GRK5: variants seen among roughly 807,000 people sequenced by gnomAD.
The protein encoded by GRK5 is G protein-coupled receptor kinase 5, also known as g protein-coupled receptor kinase GRK5.
GRK5 carries 40 observed loss-of-function variants against 78.4 expected under a neutral mutation model. The observed-to-expected ratio is 0.51, with a 90% CI of 0.40 to 0.66. GRK5 has a LOEUF of 0.66. Ranked by LOEUF, GRK5 falls within the 30% of genes least tolerant of loss-of-function variation. The probability of loss-of-function intolerance (pLI) is 0.00; values close to 1 mark genes in which losing one functional copy is unlikely to be tolerated. For synonymous variants in GRK5, 289 were observed against 296.8 expected (o/e 0.97, Z 0.27); for missense variants, 598 against 759.9 (o/e 0.79, Z 2.50).
intron 1 of GRK5, among the ~76,000 whole-genome samples, chr10:119,315,643 G>C (rs1322912762): frequency 4.6e-5 from 7 of 152,236 alleles, no homozygotes; most frequent in Admixed American, 4.6e-4. Context: ...AGTGGGAGCT[G>C]AGTCCTGAAA....
rs997167243 is a variant in GRK5, at chr10:119,445,483, G to T, written c.1266+1731G>T. ...CCTGGCTTTGGAGCTGGGATCTCCTGCTGCAGCCTGGACCAGGGTGCTGCT... is the reference window on the plus strand; with the variant it reads ...CCTGGCTTTGGAGCTGGGATCTCCTTCTGCAGCCTGGACCAGGGTGCTGCT... On this transcript the variant is annotated intron_variant, in intron 12 of 15. Transcript: ENST00000392870. This position sits in a 1 kb window ranked among gnomAD's most constrained non-coding sequence, Gnocchi z 4.1. 6.6e-6 allele frequency among the ~76,000 whole-genome samples: 1 copy of T among 152,110 alleles called. No individual in the cohort carries two copies. The highest frequency in any genetic ancestry group is 2.4e-5 in the African/African-American group (1 of 41,404).
chr10:119,273,930 C>T (rs1849626263), intron 1 of GRK5, among the ~76,000 whole-genome samples: 1 of 152,156 alleles, frequency 6.6e-6, no homozygotes, highest in Non-Finnish European at 1.5e-5. Flanking sequence ...CATGCCACCA[C>T]ACCTGGCTAA....
intron 4 of GRK5, among the ~76,000 whole-genome samples, chr10:119,407,430 A>G (rs1038219688): frequency 6.6e-6 from 1 of 152,154 alleles, no homozygotes; most frequent in Non-Finnish European, 1.5e-5. Flanking sequence ...AATTCCTCTG[A>G]GGTGCTTTTT....
intron 1 of GRK5, among the ~76,000 whole-genome samples, chr10:119,229,314 C>T (rs1055249943): frequency 1.3e-5 from 2 of 152,028 alleles, no homozygotes; most frequent in African/African-American, 4.8e-5. Context: ...TAGTAACCAC[C>T]ATTATTTTAT....
intron 1 of GRK5, among the ~76,000 whole-genome samples, chr10:119,256,248 C>T (rs528755211): frequency 3.3e-5 from 5 of 152,258 alleles, no homozygotes; most frequent in Admixed American, 6.5e-5. Flanking sequence ...TCTGCATTCC[C>T]GGCCAGATTT....
chr10:119,423,412 C>T (rs1337076106), intron 5 of GRK5, 146 bp downstream of exon 5: 1 of 612,336 alleles, frequency 1.6e-6, no homozygotes, highest in East Asian at 2.7e-5. Context: ...TTGTATACTT[C>T]CCACGAAGAG....
chr10:119,370,169 C>T (rs1851524181), intron 2 of GRK5, among the ~76,000 whole-genome samples: 1 of 152,142 alleles, frequency 6.6e-6, no homozygotes, highest in Admixed American at 6.5e-5. Flanking sequence ...CCCGCACAAG[C>T]ACCCTTCCAC....
Position 119,207,904 on chromosome 10 carries a change from A to C in GRK5, c.-14A>C, listed in dbSNP as rs1219927108. On this transcript the variant is annotated 5_prime_UTR_variant, in exon 1 of 16. Transcript: ENST00000392870. ...GCCCCGCCGGCCGGCTCCGTTGCTGACCGCCGACTGTCAATGGAGCTGGAA... is the reference window on the plus strand; with the variant it reads ...GCCCCGCCGGCCGGCTCCGTTGCTGCCCGCCGACTGTCAATGGAGCTGGAA... The C allele has an allele frequency of 1.4e-5, 22 of 1,595,456 alleles. No homozygotes were observed. Among genetic ancestry groups the C allele is most frequent in the Non-Finnish European group, 1.8e-5 (21 of 1,172,972 alleles).
rs78955388 is a variant in GRK5 at position 119,378,148 on chromosome 10, T to C, written c.149-2667T>C. 0.051 allele frequency: 7,736 copies of C among 152,910 alleles called. 350 individuals carry two copies. Among genetic ancestry groups the C allele is most frequent in the East Asian group, 0.23 (1,188 of 5,180 alleles). 9.5% of individuals were successfully genotyped at this position (152,910 alleles called of 1,614,324 possible). On this transcript the variant is annotated intron_variant, in intron 2 of 15. Coordinates refer to ENST00000392870, the MANE Select transcript of GRK5 (RefSeq NM_005308.3). The surrounding 1 kb of genome is among the most constrained non-coding windows in gnomAD (Gnocchi z 4.5). The stretch of plus-strand genomic sequence containing the variant: ...TCTGTTCACCCACACACACTCCTGC[T>C]GACCTCTCCAATCTGAGTCCAAGCT...
At chr10:119,395,768 T>C (rs939520904) in intron 3 of GRK5, among the ~76,000 whole-genome samples, 7 of 152,154 alleles carry the variant, frequency 4.6e-5, no homozygotes, top group Non-Finnish European at 1.5e-5. Flanking sequence ...GCTTGGCTAG[T>C]TATCAGAGTC....
chr10:119,436,537 C>T lies in GRK5; in HGVS notation c.739-114C>T, dbSNP rs182214224. On this transcript the variant is annotated intron_variant, in intron 8 of 15. Coordinates refer to ENST00000392870, the MANE Select transcript of GRK5 (RefSeq NM_005308.3). ...CAGAGGCCATCTGGGTGCAGGGGAG[C>T]AGGGTGAGGCTCCTCTGTTCCCTCA... The T allele has an allele frequency of 1.0e-3, 1,067 of 1,019,062 alleles. 8 individuals are homozygous for T. The African/African-American group carries it at 0.015, about 14-fold the overall frequency. 63.1% of individuals were successfully genotyped at this position (1,019,062 alleles called of 1,614,324 possible). A position where few individuals can be genotyped will look rare whatever the true frequency, so the allele number is the denominator to read the frequency against.
intron 4 of GRK5, among the ~76,000 whole-genome samples, chr10:119,404,307 G>A (rs1852199287): frequency 6.6e-6 from 1 of 152,190 alleles, no homozygotes; most frequent in Admixed American, 6.5e-5. Context: ...GGCCACTTGT[G>A]TAACTTCTGT....
Position 119,458,666 on chromosome 10 carries a change from C to T in GRK5, c.*3599C>T, listed in dbSNP as rs1321972356. 6.6e-6 allele frequency: 1 copy of T among 152,204 alleles called. No individual in the cohort carries two copies. The highest frequency in any genetic ancestry group is 1.5e-5 in the Non-Finnish European group (1 of 68,076). 9.4% of individuals were successfully genotyped at this position (152,204 alleles called of 1,614,324 possible). A position where few individuals can be genotyped will look rare whatever the true frequency, so the allele number is the denominator to read the frequency against. ...TTGACAGCACAAGTAGGATCAGAGCCCAGGTGAGCCCCTGAGGATACCGAG... is the reference window on the plus strand; with the variant it reads ...TTGACAGCACAAGTAGGATCAGAGCTCAGGTGAGCCCCTGAGGATACCGAG... On this transcript the variant is annotated 3_prime_UTR_variant, in exon 16 of 16. Transcript: ENST00000392870.
intron 1 of GRK5, among the ~76,000 whole-genome samples, chr10:119,278,023 C>G (rs1350897403): frequency 1.3e-5 from 2 of 152,216 alleles, no homozygotes; most frequent in Non-Finnish European, 2.9e-5. Context: ...TCTAGTCTCT[C>G]TATGGACAGA....
At chr10:119,214,784 A>G (rs1018270038) in intron 1 of GRK5, among the ~76,000 whole-genome samples, 4 of 152,176 alleles carry the variant, frequency 2.6e-5, no homozygotes, top group Non-Finnish European at 5.9e-5. Context: ...GCCTCCCAAA[A>G]TGTTGGGACT....
intron 2 of GRK5, among the ~76,000 whole-genome samples, chr10:119,331,470 T>C (rs1005056394): frequency 6.6e-6 from 1 of 152,222 alleles, no homozygotes; most frequent in Non-Finnish European, 1.5e-5. Flanking sequence ...AAATTCTCAT[T>C]TCTTTCCTAG....
At chr10:119,395,677 C>T (rs1852038101) in intron 3 of GRK5, among the ~76,000 whole-genome samples, 1 of 152,126 alleles carries the variant, frequency 6.6e-6, no homozygotes, top group Non-Finnish European at 1.5e-5. Flanking sequence ...CAGATGTGAG[C>T]GAAGGAGCCC....
chr10:119,208,800 A>T (rs891307877), intron 1 of GRK5: 2 of 152,088 alleles, frequency 1.3e-5, no homozygotes, highest in Non-Finnish European at 2.9e-5. Context: ...TTGATGAAAA[A>T]CAGAAAAAAG....
rs117899858 is a variant in GRK5, at chr10:119,306,338, C to A, written c.53-20178C>A. On this transcript the variant is annotated intron_variant, in intron 1 of 15. Coordinates refer to ENST00000392870, the MANE Select transcript of GRK5 (RefSeq NM_005308.3). ...GTCTGTTCAGCCTGAACTGCACACACCGATAAACTTCAGTGCCTGGATGAG... is the reference window on the plus strand; with the variant it reads ...GTCTGTTCAGCCTGAACTGCACACAACGATAAACTTCAGTGCCTGGATGAG... Among the ~76,000 whole-genome samples, 18 of 152,338 alleles carry A rather than the reference C, an allele frequency of 1.2e-4. No homozygotes were observed. In the East Asian group the frequency reaches 2.9e-3, roughly 24 times the overall value.
Sources: gnomAD v4.1 joint callset for allele counts (sites outside exome capture counted in the v4.1 genomes callset) on GRCh38, gnomAD v4.1.1 for gene constraint, Gnocchi (gnomAD v3.1) non-coding constraint, MANE v1.5 for transcripts, NCBI Gene and HGNC (gene_info 2026-07-23, HGNC 2026-07-21) for gene names.